The following RPS6KA2 variants were observed in gnomAD, a reference collection of about 807,000 sequenced individuals.
RPS6KA2 encodes the protein ribosomal protein S6 kinase A2.
RPS6KA2 carries 42 observed loss-of-function variants against 91.8 expected under a neutral mutation model. That is an observed-to-expected ratio of 0.46 (90% CI 0.36 to 0.59). RPS6KA2 has a LOEUF of 0.59. Among genes scored for constraint, RPS6KA2 ranks in the 20% least tolerant of loss-of-function variants. The pLI is 0.00. For synonymous variants in RPS6KA2, 414 were observed against 393.6 expected (o/e 1.05, Z -0.61); for missense variants, 798 against 978.5 (o/e 0.82, Z 2.46).
intron 2 of RPS6KA2, among the ~76,000 whole-genome samples, chr6:166,755,731 G>A (rs1230399990): frequency 1.3e-5 from 2 of 152,122 alleles, no homozygotes; most frequent in Admixed American, 6.5e-5. Flanking sequence ...GACATCTTTC[G>A]GACGTAAGAC....
chr6:166,759,147 TAAC>T (rs749504053), intron 2 of RPS6KA2, among the ~76,000 whole-genome samples: 1 of 152,172 alleles, frequency 6.6e-6, no homozygotes, highest in South Asian at 2.1e-4. Flanking sequence ...TTCAGGTAAA[TAAC>T]AACTGAAAGG....
At chr6:166,668,033 A>C (rs1788367330) in intron 2 of RPS6KA2, among the ~76,000 whole-genome samples, 2 of 152,182 alleles carry the variant, frequency 1.3e-5, no homozygotes, top group Non-Finnish European at 2.9e-5. Context: ...ACATATACAG[A>C]ACACAGTCTC....
rs1787740658 is a variant in RPS6KA2, at chr6:166,648,389, A to G, written c.124-109605T>C. 6.6e-6 allele frequency among the ~76,000 whole-genome samples: 1 copy of G among 152,186 alleles called. No individual in the cohort carries two copies. Among genetic ancestry groups the G allele is most frequent in the South Asian group, 2.1e-4 (1 of 4,826 alleles). On this transcript the variant is annotated intron_variant, in intron 2 of 21. Transcript: ENST00000503859. The surrounding 1 kb of genome is among the most constrained non-coding windows in gnomAD (Gnocchi z 4.8). Reference sequence around the variant, plus strand: ...CTGTTTTTCTGAGGGCCTGGAGAACATTGTGCACGCCTCCATCTTACCATA... The same window carrying G: ...CTGTTTTTCTGAGGGCCTGGAGAACGTTGTGCACGCCTCCATCTTACCATA...
intron 2 of RPS6KA2, among the ~76,000 whole-genome samples, chr6:166,674,649 C>T (rs1788569178): frequency 6.6e-6 from 1 of 152,160 alleles, no homozygotes; most frequent in African/African-American, 2.4e-5. Context: ...CAGAAATAAG[C>T]ATCATGATGA....
intron 1 of RPS6KA2, among the ~76,000 whole-genome samples, chr6:166,610,406 G>A (rs924655412): frequency 3.3e-5 from 5 of 152,156 alleles, no homozygotes; most frequent in African/African-American, 1.2e-4. Flanking sequence ...GTTACCCATC[G>A]GCTGTAGCAA....
At chr6:166,509,050 AG>A (rs1782369821) in intron 4 of RPS6KA2, among the ~76,000 whole-genome samples, 1 of 152,238 alleles carries the variant, frequency 6.6e-6, no homozygotes, top group African/African-American at 2.4e-5. Context: ...TGTGGCTGGA[AG>A]GGATCCCAAT....
intron 2 of RPS6KA2, among the ~76,000 whole-genome samples, chr6:166,688,652 C>A (rs1003696963): frequency 8.5e-5 from 13 of 152,206 alleles, no homozygotes; most frequent in African/African-American, 3.1e-4. Flanking sequence ...GGCGGGAAGG[C>A]GAGAGCGACA....
chr6:166,817,498 A>G (rs1265918678), intron 2 of RPS6KA2, among the ~76,000 whole-genome samples: 1 of 152,200 alleles, frequency 6.6e-6, no homozygotes, highest in East Asian at 1.9e-4. Context: ...GCTAGATACT[A>G]TGACTCCTTT....
intron 8 of RPS6KA2, among the ~76,000 whole-genome samples, chr6:166,492,770 C>T (rs1289600185): frequency 6.7e-6 from 1 of 149,534 alleles, no homozygotes; most frequent in African/African-American, 2.5e-5. Flanking sequence ...GGCTGGAGTG[C>T]AATGGCACAA....
chr6:166,594,345 T>A (rs1044259318), intron 1 of RPS6KA2, among the ~76,000 whole-genome samples: 10 of 152,238 alleles, frequency 6.6e-5, no homozygotes, highest in African/African-American at 2.2e-4. Flanking sequence ...TAAAAATTTA[T>A]TTCCCTCATA....
At chr6:166,534,454 C>A (rs759257380) in intron 2 of RPS6KA2, among the ~76,000 whole-genome samples, 2 of 152,080 alleles carry the variant, frequency 1.3e-5, no homozygotes, top group Middle Eastern at 3.2e-3. Flanking sequence ...TTCACAATAT[C>A]CTGAGTGGGT....
At chr6:166,771,866 C>T (rs1003133657) in intron 2 of RPS6KA2, among the ~76,000 whole-genome samples, 16 of 152,242 alleles carry the variant, frequency 1.1e-4, no homozygotes, top group Admixed American at 2.6e-4. Context: ...TGGCTTCTCC[C>T]GAGTGTGCCA....
intron 1 of RPS6KA2, among the ~76,000 whole-genome samples, chr6:166,579,839 C>T (rs1784949950): frequency 6.6e-6 from 1 of 152,096 alleles, no homozygotes; most frequent in African/African-American, 2.4e-5. Flanking sequence ...CTTAAATAGT[C>T]CTCTTTTATG....
intron 2 of RPS6KA2, among the ~76,000 whole-genome samples, chr6:166,808,170 A>AT (rs1398432048): frequency 6.6e-6 from 1 of 152,228 alleles, no homozygotes; most frequent in Non-Finnish European, 1.5e-5. Flanking sequence ...GGACAGGTCC[A>AT]TCACAGGGAC....
upstream of RPS6KA2, among the ~76,000 whole-genome samples, chr6:166,629,547 A>G (rs867621207): frequency 1.3e-5 from 2 of 152,238 alleles, no homozygotes; most frequent in East Asian, 3.8e-4. Flanking sequence ...TGATCATGGA[A>G]CACTACTTCA....
intron 1 of RPS6KA2, among the ~76,000 whole-genome samples, chr6:166,559,923 T>C (rs1784290262): frequency 6.6e-6 from 1 of 152,172 alleles, no homozygotes; most frequent in Non-Finnish European, 1.5e-5. Flanking sequence ...ATCCACATTT[T>C]TACAAGAACT....
intron 1 of RPS6KA2, among the ~76,000 whole-genome samples, chr6:166,602,999 C>G (rs536057083): frequency 3.9e-5 from 6 of 152,308 alleles, no homozygotes; most frequent in Non-Finnish European, 5.9e-5. Context: ...AGGTGTTGGT[C>G]AGGGGCACCT....
intron 2 of RPS6KA2, among the ~76,000 whole-genome samples, chr6:166,805,430 A>C (rs952670190): frequency 3.3e-5 from 5 of 151,954 alleles, no homozygotes; most frequent in Admixed American, 1.3e-4. Context: ...CATTTTTTCC[A>C]CTTTATTTTT....
rs1316101029 is a variant in RPS6KA2 at position 166,767,390 on chromosome 6, T to C, written c.123+90810A>G. On this transcript the variant is annotated intron_variant, in intron 2 of 21. Coordinates refer to the RPS6KA2 transcript ENST00000503859. The surrounding 1 kb of genome is among the most constrained non-coding windows in gnomAD (Gnocchi z 4.6). Reference sequence around the variant, plus strand: ...ACAAAGGCCGCGCGGATCAATGTGCTCCAGATCAATGCGGTCCAGAGGTGA... The same window carrying C: ...ACAAAGGCCGCGCGGATCAATGTGCCCCAGATCAATGCGGTCCAGAGGTGA... Among the ~76,000 whole-genome samples the C allele has an allele frequency of 6.6e-6, 1 of 152,122 alleles. No homozygotes were observed. The highest frequency in any genetic ancestry group is 1.9e-4 in the East Asian group (1 of 5,190).
Sources: allele counts gnomAD v4.1 joint callset (sites outside exome capture counted in the v4.1 genomes callset), GRCh38; gene constraint gnomAD v4.1.1; non-coding constraint Gnocchi (gnomAD v3.1); transcripts MANE v1.5; gene names NCBI Gene and HGNC (gene_info 2026-07-23, HGNC 2026-07-21).